Variants in GOLM2 observed in about 807,000 individuals in gnomAD.
The protein encoded by GOLM2 is protein GOLM2.
Under a neutral mutation model 55.9 loss-of-function variants are expected in GOLM2, and 26 were observed. The ratio of observed to expected loss-of-function variants is 0.47; its 90% CI spans 0.34 to 0.65. The LOEUF (loss-of-function observed/expected upper bound fraction) is 0.65, where lower values mean the gene tolerates loss of function less well. Ranked by LOEUF, GOLM2 falls within the 30% of genes least tolerant of loss-of-function variation. The pLI, the probability that GOLM2 is intolerant of heterozygous loss-of-function variation, is 0.01. For synonymous variants in GOLM2, 165 were observed against 194.6 expected (o/e 0.85, Z 1.27); for missense variants, 486 against 531.8 (o/e 0.91, Z 0.85).
chr15:44,373,861 G>A (rs1169116545), intron 6 of GOLM2, among the ~76,000 whole-genome samples: 1 of 151,948 alleles, frequency 6.6e-6, no homozygotes, highest in African/African-American at 2.4e-5. Context: ...AGCACTTTGG[G>A]AGGCTAAGAT....
At chr15:44,344,164 G>A (rs1264321424) in intron 6 of GOLM2, among the ~76,000 whole-genome samples, 1 of 151,636 alleles carries the variant, frequency 6.6e-6, no homozygotes, top group Non-Finnish European at 1.5e-5. Context: ...GGAGGCTAAA[G>A]TGAGAGAACT....
intron 6 of GOLM2, among the ~76,000 whole-genome samples, 177 bp from the exon 7 acceptor site, chr15:44,379,513 A>C (rs2079387382): frequency 6.6e-6 from 1 of 152,060 alleles, no homozygotes; most frequent in Non-Finnish European, 1.5e-5. Flanking sequence ...TGAATGGTAC[A>C]GTGTATCAAT....
chr15:44,295,090 T>C (rs1219453643), intron 1 of GOLM2, among the ~76,000 whole-genome samples: 1 of 151,942 alleles, frequency 6.6e-6, no homozygotes, highest in Admixed American at 6.6e-5. Context: ...CTTTTTTTTT[T>C]TTTTTCTGAG....
At chr15:44,337,396 A>G (rs2079064522) in intron 4 of GOLM2, among the ~76,000 whole-genome samples, 2 of 151,910 alleles carry the variant, frequency 1.3e-5, no homozygotes, top group South Asian at 4.1e-4. Context: ...ACATATGCTT[A>G]CAGAGAACCC....
chr15:44,363,609 G>T (rs1268624625), intron 6 of GOLM2, among the ~76,000 whole-genome samples: 6 of 152,176 alleles, frequency 3.9e-5, no homozygotes, highest in African/African-American at 1.2e-4. Flanking sequence ...CTGTAAACTA[G>T]TTCAACCATT....
At chr15:44,362,390 C>T (rs2079247606) in intron 6 of GOLM2, among the ~76,000 whole-genome samples, 1 of 151,148 alleles carries the variant, frequency 6.6e-6, no homozygotes, top group South Asian at 2.1e-4. Context: ...CATTCTTATA[C>T]ACCAATAACA....
intron 8 of GOLM2, among the ~76,000 whole-genome samples, chr15:44,396,121 G>A (rs967942111): frequency 8.6e-5 from 13 of 151,996 alleles, no homozygotes; most frequent in Non-Finnish European, 1.8e-4. Flanking sequence ...TTGGGAGGCC[G>A]AGGTGGGCAG....
rs997196787 is a variant in GOLM2 at position 44,380,992 on chromosome 15, T to C, written c.1072+16T>C. 6.7e-7 allele frequency: 1 copy of C among 1,502,676 alleles called. No individual in the cohort carries two copies. Among genetic ancestry groups the C allele is most frequent in the Admixed American group, 2.0e-5 (1 of 50,412 alleles). 93.1% of individuals were successfully genotyped at this position (1,502,676 alleles called of 1,614,324 possible). ...TTGAAGCAAAGTAAGAATCAATTGA[T>C]GAATATTATGCTAAAAATATTTCTT... On this transcript the variant is annotated intron_variant, in intron 8 of 9. Coordinates refer to ENST00000299957, the MANE Select transcript of GOLM2 (RefSeq NM_138423.4).
At chr15:44,406,652 G>C (rs767107731) in intron 9 of GOLM2, 16 of 152,134 alleles carry the variant, frequency 1.1e-4, no homozygotes, top group Non-Finnish European at 1.9e-4. Flanking sequence ...ATCCATGAAA[G>C]AAAGTAGAAA....
chr15:44,298,596 A>G (rs1747191003), intron 1 of GOLM2, among the ~76,000 whole-genome samples: 2 of 151,938 alleles, frequency 1.3e-5, no homozygotes, highest in Admixed American at 6.6e-5. Flanking sequence ...TTCTTTATAC[A>G]CCATTTACAT....
Position 44,320,983 on chromosome 15 carries a change from C to G in GOLM2, c.328-1982C>G, listed in dbSNP as rs1201382156. Reference sequence around the variant, plus strand: ...TCTGTTTAAATTTTTACCTAACTTTCAATGCCTAATACAGATATAATCAAT... The same window carrying G: ...TCTGTTTAAATTTTTACCTAACTTTGAATGCCTAATACAGATATAATCAAT... On this transcript the variant is annotated intron_variant, in intron 1 of 9. Coordinates refer to ENST00000299957, the MANE Select transcript of GOLM2 (RefSeq NM_138423.4). Among the ~76,000 whole-genome samples, 3 of 152,190 alleles carry G rather than the reference C, an allele frequency of 2.0e-5. 1 individual carries two copies. Among genetic ancestry groups the G allele is most frequent in the Non-Finnish European group, 4.4e-5 (3 of 68,052 alleles).
chr15:44,386,516 C>T (rs979512468), intron 8 of GOLM2, among the ~76,000 whole-genome samples: 1 of 152,126 alleles, frequency 6.6e-6, no homozygotes, highest in Non-Finnish European at 1.5e-5. Context: ...TCTTCATGAT[C>T]CCTTGTAATT....
intron 4 of GOLM2, among the ~76,000 whole-genome samples, chr15:44,335,975 C>T (rs1207549096): frequency 2.0e-5 from 3 of 151,426 alleles, no homozygotes; most frequent in South Asian, 4.2e-4. Context: ...CCACCATGCC[C>T]GACTAATTTT....
Position 44,338,255 on chromosome 15 carries a change from G to A in GOLM2, c.740G>A (p.Gly247Asp). ...TGGGCAGAACAAATCAAAAGAGGTG[G>A]TGATGCAGGGATGCCTGGAATAGAA... is the stretch of plus-strand genomic sequence containing the variant. ...PHGKEQIKRG[G>D]DAGMPGIEEN... The change falls in exon 6 of 10, where the codon GGT (glycine) becomes GAT (aspartate). Residue 247 changes from glycine to aspartate, a missense_variant. Gly to Asp is a moderately conservative substitution (Grantham distance 94). Coordinates refer to ENST00000299957, the MANE Select transcript of GOLM2 (RefSeq NM_138423.4). 1 of 1,613,658 alleles carries A rather than the reference G, an allele frequency of 6.2e-7. No individual in the cohort carries two copies. Among genetic ancestry groups the A allele is most frequent in the East Asian group, 2.2e-5 (1 of 44,830 alleles).
intron 1 of GOLM2, among the ~76,000 whole-genome samples, chr15:44,319,721 G>A (rs1392209647): frequency 6.6e-6 from 1 of 152,054 alleles, no homozygotes; most frequent in Non-Finnish European, 1.5e-5. Flanking sequence ...TCAAGTATCC[G>A]GGCCTATAGG....
At chr15:44,412,170 AAAAC>A (rs60520310) in intron 9 of GOLM2, among the ~76,000 whole-genome samples, 31 of 152,186 alleles carry the variant, frequency 2.0e-4, no homozygotes, top group South Asian at 6.2e-4. Flanking sequence ...CTGTCTCAGA[AAAAC>A]AAACAAACAA....
chr15:44,358,724 T>C (rs924024909), intron 6 of GOLM2, among the ~76,000 whole-genome samples: 9 of 152,180 alleles, frequency 5.9e-5, no homozygotes, highest in African/African-American at 1.9e-4. Flanking sequence ...TAGACCTAAA[T>C]AGAAAATGCA....
chr15:44,403,026 T>A lies in GOLM2; in HGVS notation c.1212T>A (p.Asp404Glu). The A allele has an allele frequency of 6.2e-7, 1 of 1,614,018 alleles. No individual in the cohort carries two copies. The highest frequency in any genetic ancestry group is 8.5e-7 in the Non-Finnish European group (1 of 1,180,006). ...AGCTGGCTTACAATGAGGAAGAAGA[T>A]GGTGATGGTGGAGAGGAAGACGTCC... ...QAELAYNEEE[D>E]GDGGEEDVQD... is the part of the protein sequence containing the mutation. The change falls in exon 9 of 10, where the codon GAT (aspartate) becomes GAA (glutamate). Residue 404 changes from aspartate (D) to glutamate (E), a missense_variant. Transcript: ENST00000299957.
In GOLM2 at chr15:44,369,664, G is replaced by GTA. The variant is rs1344254514; in HGVS notation, c.803-10017_803-10016dup. 5.2e-5 allele frequency among the ~76,000 whole-genome samples: 7 copies of GTA among 133,868 alleles called. No homozygotes were observed. The South Asian group carries it at 9.9e-4, about 19-fold the overall frequency. 87.8% of individuals were successfully genotyped at this position (133,868 alleles called of 152,430 possible). A position where few individuals can be genotyped will look rare whatever the true frequency, so the allele number is the denominator to read the frequency against. On this transcript the variant is annotated intron_variant, in intron 6 of 9. Coordinates refer to ENST00000299957, the MANE Select transcript of GOLM2 (RefSeq NM_138423.4). ...ATATATACATATACAGCCTGTATAT[G>GTA]TATATATATACACACATATATATAT...
Sources: allele counts gnomAD v4.1 joint callset (sites outside exome capture counted in the v4.1 genomes callset), GRCh38; gene constraint gnomAD v4.1.1; transcripts MANE v1.5; gene names NCBI Gene and HGNC (gene_info 2026-07-23, HGNC 2026-07-21).